The following TTC6 variants were observed in gnomAD, a reference collection of about 807,000 sequenced individuals.
TTC6 encodes the protein tetratricopeptide repeat protein 6.
Under a neutral mutation model 210.4 loss-of-function variants are expected in TTC6, and 172 were observed. The ratio of observed to expected loss-of-function variants is 0.82; its 90% CI spans 0.72 to 0.93. The LOEUF (loss-of-function observed/expected upper bound fraction) is 0.93, where lower values mean the gene tolerates loss of function less well. Ranked by LOEUF, TTC6 falls within the 40% of genes least tolerant of loss-of-function variation. The pLI, the probability that TTC6 is intolerant of heterozygous loss-of-function variation, is 0.00. For missense variants in TTC6, 2,414 were observed against 2,318.1 expected, an observed-to-expected ratio of 1.04 and a Z score of -0.85; for synonymous variants, 804 against 819.6, an observed-to-expected ratio of 0.98 and a Z score of 0.32.
At chr14:37,671,471 C>G (rs1371221751) in intron 1 of TTC6, among the ~76,000 whole-genome samples, 1 of 152,048 alleles carries the variant, frequency 6.6e-6, no homozygotes, top group East Asian at 1.9e-4. Flanking sequence ...GCAAGTGGTA[C>G]TACAGATGTT....
chr14:37,827,216 C>G lies in TTC6; in HGVS notation c.5148C>G (p.Phe1716Leu), dbSNP rs150551453. The change falls in exon 29 of 31, where the codon TTC becomes TTG. Residue 1716 changes from phenylalanine to leucine, a missense_variant. Coordinates refer to ENST00000553443, the Ensembl canonical transcript of TTC6. Reference sequence around the variant, plus strand: ...TGCAGATCAGTACTACAGCAGAATTCTTAACAAATCGTGGGGTGATTCATG... The same window carrying G: ...TGCAGATCAGTACTACAGCAGAATTGTTAACAAATCGTGGGGTGATTCATG... 7 of 1,612,432 alleles carry G rather than the reference C, an allele frequency of 4.3e-6. No homozygotes were observed. The East Asian group carries it at 1.6e-4, about 36-fold the overall frequency.
At chr14:37,815,350 G>A (rs1225790619) in intron 25 of TTC6, among the ~76,000 whole-genome samples, 1 of 152,158 alleles carries the variant, frequency 6.6e-6, no homozygotes, top group African/African-American at 2.4e-5. Flanking sequence ...AGGCGTCAGG[G>A]TGGCGGGGTG....
intron 24 of TTC6, among the ~76,000 whole-genome samples, chr14:37,809,314 G>A (rs1054993936): frequency 1.3e-4 from 18 of 139,302 alleles, no homozygotes; most frequent in Admixed American, 4.8e-4. Context: ...GCGCAGTGGC[G>A]TGATCTTGGC....
intron 1 of TTC6, among the ~76,000 whole-genome samples, chr14:37,662,317 A>G (rs177888): frequency 0.62 from 93,629 of 151,940 alleles, 29,307 homozygotes; most frequent in South Asian, 0.75. Context: ...TTATTTTGAG[A>G]TATGTTCCTT....
At chr14:37,806,312 A>G in intron 21 of TTC6, 49 bp from the exon 24 acceptor site, 1 of 1,477,656 alleles carries the variant, frequency 6.8e-7, no homozygotes. Context: ...TTTTAAAACA[A>G]TATATTATAT....
chr14:37,740,782 A>T (rs1042349275), intron 10 of TTC6, among the ~76,000 whole-genome samples: 1 of 152,232 alleles, frequency 6.6e-6, no homozygotes, highest in Non-Finnish European at 1.5e-5. Context: ...GTTTTAGATC[A>T]GAACCAGAAG....
At chr14:37,736,091 A>T in intron 8 of TTC6, 81 bp downstream of exon 10, 2 of 796,670 alleles carry the variant, frequency 2.5e-6, no homozygotes, top group Non-Finnish European at 2.0e-6. Context: ...TAATTCCAGA[A>T]ATTATTTCTT....
At chr14:37,679,836 A>G (rs1306036454) in intron 1 of TTC6, among the ~76,000 whole-genome samples, 1 of 151,920 alleles carries the variant, frequency 6.6e-6, no homozygotes, top group East Asian at 1.9e-4. Context: ...GATTACAGAC[A>G]TGTGCCATCA....
intron 1 of TTC6, among the ~76,000 whole-genome samples, chr14:37,667,556 C>A (rs1301187204): frequency 6.6e-6 from 1 of 150,710 alleles, no homozygotes; most frequent in African/African-American, 2.4e-5. Flanking sequence ...GTCAGACATG[C>A]ACCAAACATG....
rs1203005242 is a variant in TTC6 at position 37,696,701 on chromosome 14, T to C, written c.1258-16T>C. 2 of 1,342,556 alleles carry C rather than the reference T, an allele frequency of 1.5e-6. No homozygotes were observed. The highest frequency in any genetic ancestry group is 2.0e-6 in the Non-Finnish European group (2 of 1,015,042). 83.2% of individuals were successfully genotyped at this position (1,342,556 alleles called of 1,614,324 possible). A position where few individuals can be genotyped will look rare whatever the true frequency, so the allele number is the denominator to read the frequency against. On this transcript the variant is annotated splice_polypyrimidine_tract_variant and intron_variant, in intron 3 of 30. Transcript: ENST00000553443. Reference sequence around the variant, plus strand: ...TTACATCTTCTCTTAACAGCACACTTTATATTTTCTTAAAGGCAAAATCAC... The same window carrying C: ...TTACATCTTCTCTTAACAGCACACTCTATATTTTCTTAAAGGCAAAATCAC...
chr14:37,842,312 A>AT (rs1461097192), exon 31 of TTC6: 1 of 1,570,530 alleles, frequency 6.4e-7, no homozygotes, highest in Non-Finnish European at 8.6e-7. Context: ...TGTGGTTGCT[A>AT]TAGTAGTTTA....
chr14:37,659,739 T>G (rs1334997759), intron 1 of TTC6, among the ~76,000 whole-genome samples: 1 of 152,188 alleles, frequency 6.6e-6, no homozygotes, highest in Non-Finnish European at 1.5e-5. Context: ...CAGGCTGGTC[T>G]CGAACTCCTG....
rs142199893 is a variant in TTC6, at chr14:37,627,973, T to C, written c.939+4970T>C. Among the ~76,000 whole-genome samples the C allele has an allele frequency of 1.6e-3, 249 of 152,224 alleles. 4 individuals are homozygous for C. The highest frequency in any genetic ancestry group is 5.7e-3 in the African/African-American group (236 of 41,530). On this transcript the variant is annotated intron_variant, in intron 1 of 30. Transcript: ENST00000553443. ...CAGCATCTCTTGATTCCTGACTTGT[T>C]TTTGTTTTTGTTTTGAGATGGAGTT... is the stretch of plus-strand genomic sequence containing the variant.
chr14:37,676,544 A>G (rs889303115), intron 1 of TTC6, among the ~76,000 whole-genome samples: 1 of 151,996 alleles, frequency 6.6e-6, no homozygotes, highest in African/African-American at 2.4e-5. Context: ...CGTGTCCTCA[A>G]TGCACAGAAA....
At chr14:37,687,461 G>A (rs2095796127) in intron 3 of TTC6, among the ~76,000 whole-genome samples, 1 of 152,098 alleles carries the variant, frequency 6.6e-6, no homozygotes, top group Non-Finnish European at 1.5e-5. Context: ...CAGAGATAGT[G>A]GACTAGGGAG....
intron 3 of TTC6, among the ~76,000 whole-genome samples, chr14:37,685,544 T>G: frequency 6.6e-6 from 1 of 152,192 alleles, no homozygotes; most frequent in East Asian, 1.9e-4. Context: ...AATTTATTTT[T>G]GGAAAAAGGT....
chr14:37,661,860 T>G (rs1362678598), intron 1 of TTC6, among the ~76,000 whole-genome samples: 1 of 152,204 alleles, frequency 6.6e-6, no homozygotes, highest in East Asian at 1.9e-4. Context: ...TGGTTTGTAG[T>G]TCTCCTTGAA....
chr14:37,782,535 G>A (rs12891029), intron 14 of TTC6, among the ~76,000 whole-genome samples: 2,301 of 147,592 alleles, frequency 0.016, 42 homozygotes, highest in Non-Finnish European at 0.024. Flanking sequence ...GGGCTGAGAC[G>A]ATGGGGTTTT....
intron 1 of TTC6, among the ~76,000 whole-genome samples, chr14:37,648,613 C>T (rs1363467307): frequency 1.3e-5 from 2 of 151,894 alleles, no homozygotes; most frequent in Non-Finnish European, 2.9e-5. Flanking sequence ...AGAAACAGTT[C>T]GTATAAGAGA....
Sources: gnomAD v4.1 joint callset for allele counts (sites outside exome capture counted in the v4.1 genomes callset) on GRCh38, gnomAD v4.1.1 for gene constraint, MANE v1.5 for transcripts, NCBI Gene and HGNC (gene_info 2026-07-23, HGNC 2026-07-21) for gene names.